The following WWOX variants were observed in gnomAD, a reference collection of about 807,000 sequenced individuals.
WWOX encodes the protein WW domain-containing oxidoreductase.
In WWOX, 69 loss-of-function variants were observed where a neutral mutation model predicts 46.2. The ratio of observed to expected loss-of-function variants is 1.49; its 90% CI spans 1.23 to 1.82. The LOEUF is 1.82. WWOX is among the 40% of genes most tolerant of loss of function. WWOX has a pLI of 0.00. For synonymous variants in WWOX, 359 were observed against 202.6 expected (o/e 1.77, Z -6.56); for missense variants, 919 against 542.6 (o/e 1.69, Z -6.89).
At chr16:79,006,648 G>A (rs760497180) in intron 8 of WWOX, among the ~76,000 whole-genome samples, 4 of 152,140 alleles carry the variant, frequency 2.6e-5, no homozygotes, top group Non-Finnish European at 5.9e-5. Context: ...TAAGGCAGGA[G>A]TCCAACACAG....
chr16:78,282,309 A>G (rs12596645), intron 5 of WWOX, among the ~76,000 whole-genome samples: 34,002 of 152,054 alleles, frequency 0.22, 4,056 homozygotes, highest in East Asian at 0.46. Flanking sequence ...TGACGTTGCA[A>G]TTTTATTTTT....
At chr16:78,902,300 G>A (rs2044849937) in intron 8 of WWOX, among the ~76,000 whole-genome samples, 2 of 152,302 alleles carry the variant, frequency 1.3e-5, no homozygotes, top group South Asian at 4.1e-4. Context: ...CATCTCTGCA[G>A]CATAATTGAT....
At chr16:78,328,825 TTTTTCTTTTTTC>T (rs1413639281) in intron 5 of WWOX, among the ~76,000 whole-genome samples, 1,139 of 85,120 alleles carry the variant, frequency 0.013, 8 homozygotes, top group African/African-American at 0.051. Context: ...TGCCGATGTG[TTTTTCTTTTTTC>T]TTTTCTTTTG....
chr16:78,678,892 G>A (rs928237362), intron 8 of WWOX, among the ~76,000 whole-genome samples: 8 of 152,186 alleles, frequency 5.3e-5, no homozygotes, highest in African/African-American at 1.9e-4. Context: ...GCTCACAGAG[G>A]TTAAGCCACC....
At chr16:78,701,762 G>A (rs1257615445) in intron 8 of WWOX, among the ~76,000 whole-genome samples, 1 of 151,844 alleles carries the variant, frequency 6.6e-6, no homozygotes, top group Non-Finnish European at 1.5e-5. Flanking sequence ...GTTAAGCAGT[G>A]GGCCCTTGCT....
intron 8 of WWOX, among the ~76,000 whole-genome samples, chr16:78,607,797 T>C (rs1195555152): frequency 6.6e-6 from 1 of 152,056 alleles, no homozygotes; most frequent in Non-Finnish European, 1.5e-5. Context: ...CATTTCTCTT[T>C]GGAGCGTGTC....
intron 8 of WWOX, among the ~76,000 whole-genome samples, chr16:78,893,765 T>G (rs889610767): frequency 6.6e-6 from 1 of 152,182 alleles, no homozygotes; most frequent in African/African-American, 2.4e-5. Flanking sequence ...TACGTGCCTT[T>G]CTCTGTCTTT....
At chr16:78,782,493 A>T (rs8043875) in intron 8 of WWOX, among the ~76,000 whole-genome samples, 1 of 151,854 alleles carries the variant, frequency 6.6e-6, no homozygotes, top group African/African-American at 2.4e-5. Context: ...CAGAGTAGGG[A>T]GGAAAAATCA....
intron 8 of WWOX, among the ~76,000 whole-genome samples, chr16:79,096,628 T>C (rs2049080023): frequency 6.6e-6 from 1 of 152,138 alleles, no homozygotes; most frequent in Non-Finnish European, 1.5e-5. Flanking sequence ...TTCACCTGCT[T>C]TATTTTTCTC....
chr16:79,005,726 C>T (rs1206571080), intron 8 of WWOX, among the ~76,000 whole-genome samples: 1 of 152,216 alleles, frequency 6.6e-6, no homozygotes, highest in African/African-American at 2.4e-5. Context: ...ACTGTAATCA[C>T]ATCTTACCTA....
intron 8 of WWOX, among the ~76,000 whole-genome samples, chr16:78,753,479 C>G (rs1380234647): frequency 6.6e-6 from 1 of 151,984 alleles, no homozygotes; most frequent in Non-Finnish European, 1.5e-5. Flanking sequence ...AATATTACTG[C>G]AGAGTTTTAG....
In WWOX at chr16:78,364,133, C is replaced by T. The variant is rs113078697; in HGVS notation, c.517-22727C>T. On this transcript the variant is annotated intron_variant, in intron 5 of 8. Transcript: ENST00000566780. ...TGGCCTGTGGATGTCGCTCTCTATCCGTAACCCTCCTTTCCAGCGACCCTG... is the reference window on the plus strand; with the variant it reads ...TGGCCTGTGGATGTCGCTCTCTATCTGTAACCCTCCTTTCCAGCGACCCTG... Among the ~76,000 whole-genome samples the T allele has an allele frequency of 2.6e-3, 397 of 152,266 alleles. 2 individuals carry two copies. Among genetic ancestry groups the T allele is most frequent in the African/African-American group, 9.3e-3 (385 of 41,552 alleles).
chr16:78,795,629 A>G (rs529046388), intron 8 of WWOX, among the ~76,000 whole-genome samples: 2 of 152,224 alleles, frequency 1.3e-5, no homozygotes, highest in Admixed American at 1.3e-4. Flanking sequence ...TGGAACACTC[A>G]TGTATAATTC....
chr16:78,313,053 T>C (rs568114364), intron 5 of WWOX, among the ~76,000 whole-genome samples: 3 of 152,326 alleles, frequency 2.0e-5, no homozygotes, highest in Non-Finnish European at 4.4e-5. Context: ...ACATGTCCTG[T>C]TTTCAGATTA....
At chr16:78,467,025 C>T (rs987050162) in intron 8 of WWOX, among the ~76,000 whole-genome samples, 2 of 152,168 alleles carry the variant, frequency 1.3e-5, no homozygotes, top group Non-Finnish European at 1.5e-5. Flanking sequence ...GGACACTAAA[C>T]GTACCTTATC....
At chr16:78,314,355 G>A (rs28416566) in intron 5 of WWOX, among the ~76,000 whole-genome samples, 6,640 of 144,994 alleles carry the variant, frequency 0.046, 545 homozygotes, top group African/African-American at 0.16. Context: ...GCAGTGAGCC[G>A]AGATCGAGCC....
chr16:78,972,614 A>T (rs1257412399), intron 8 of WWOX, among the ~76,000 whole-genome samples: 1 of 152,120 alleles, frequency 6.6e-6, no homozygotes, highest in Non-Finnish European at 1.5e-5. Context: ...ACATGTCATA[A>T]AGTACATACC....
At chr16:79,155,533 T>TA (rs34391956) in intron 8 of WWOX, among the ~76,000 whole-genome samples, 21,000 of 151,950 alleles carry the variant, frequency 0.14, 2,292 homozygotes, top group African/African-American at 0.3. Context: ...TCGTAGACCA[T>TA]AAAAAAACAG....
chr16:78,943,693 G>A (rs2045896454), intron 8 of WWOX, among the ~76,000 whole-genome samples: 2 of 152,180 alleles, frequency 1.3e-5, no homozygotes, highest in Admixed American at 6.5e-5. Flanking sequence ...GTAGCAGGGT[G>A]TGCGATTGCA....
Sources: gnomAD v4.1 joint callset for allele counts (sites outside exome capture counted in the v4.1 genomes callset) on GRCh38, gnomAD v4.1.1 for gene constraint, MANE v1.5 for transcripts, NCBI Gene and HGNC (gene_info 2026-07-23, HGNC 2026-07-21) for gene names.